The following CUL4A variants were observed in gnomAD, a reference collection of about 807,000 sequenced individuals.
The protein encoded by CUL4A is cullin-4A.
A neutral mutation model predicts 95.5 loss-of-function variants in CUL4A; 16 were observed. That is an observed-to-expected ratio of 0.17 (90% CI 0.11 to 0.25). The LOEUF is 0.25. Among genes scored for constraint, CUL4A ranks in the 10% least tolerant of loss-of-function variants. The pLI, the probability that CUL4A is intolerant of heterozygous loss-of-function variation, is 1.00. For missense variants in CUL4A, 610 were observed against 937.0 expected, an observed-to-expected ratio of 0.65 and a Z score of 4.56; for synonymous variants, 380 against 353.1, an observed-to-expected ratio of 1.08 and a Z score of -0.85.
At position 113,266,507 on chromosome 13, in the gene CUL4A, C is replaced by T. The variant is rs1173507856; in HGVS notation, c.*2925C>T. The T allele has an allele frequency of 3.3e-5, 5 of 152,302 alleles. No individual in the cohort carries two copies. The highest frequency in any genetic ancestry group is 5.9e-5 in the Non-Finnish European group (4 of 68,040). The allele number at this position is 152,302 out of a possible 1,614,324, so 9.4% of individuals were successfully genotyped here. A position where few individuals can be genotyped will look rare whatever the true frequency, so the allele number is the denominator to read the frequency against. On this transcript the variant is annotated 3_prime_UTR_variant, in exon 20 of 20. Coordinates refer to ENST00000375440, the MANE Select transcript of CUL4A (RefSeq NM_001008895.4). ...GTAAAACCTTCCTTTAAAACACAAG[C>T]GGATTCTAAAGTTAAAACAGAAAAG... is the stretch of plus-strand genomic sequence containing the variant.
At chr13:113,228,168 C>A in intron 4 of CUL4A, 123 bp downstream of exon 4, 1 of 737,842 alleles carries the variant, frequency 1.4e-6, no homozygotes, top group Non-Finnish European at 2.3e-6. Flanking sequence ...TGTGGTTGAA[C>A]AGCACGATGA....
chr13:113,208,603 T>C (rs1311250768), upstream of CUL4A: 3 of 1,608,034 alleles, frequency 1.9e-6, no homozygotes, highest in Non-Finnish European at 2.5e-6. Context: ...ACCCACCTGC[T>C]GCAGGTACTG....
At chr13:113,223,485 A>C (rs2040980085) in intron 3 of CUL4A, among the ~76,000 whole-genome samples, 1 of 151,960 alleles carries the variant, frequency 6.6e-6, no homozygotes, top group African/African-American at 2.4e-5. Context: ...AACAACCTCC[A>C]CTCCTGGGTT....
rs151077737 is a variant in CUL4A at position 113,265,326 on chromosome 13, A to G, written c.*1744A>G. The G allele has an allele frequency of 5.4e-4, 83 of 152,350 alleles. No homozygotes were observed. Among genetic ancestry groups the G allele is most frequent in the African/African-American group, 2.0e-3 (82 of 41,562 alleles). The allele number at this position is 152,350 out of a possible 1,614,324, so 9.4% of individuals were successfully genotyped here. A position where few individuals can be genotyped will look rare whatever the true frequency, so the allele number is the denominator to read the frequency against. The stretch of plus-strand genomic sequence containing the variant: ...AGCTATGGGAGGGCAAGGTGGGAGG[A>G]TCGTTTGAGCCTGAGTTCCAGACCA... On this transcript the variant is annotated 3_prime_UTR_variant, in exon 20 of 20. Transcript: ENST00000375440.
chr13:113,235,155 G>A lies in CUL4A; in HGVS notation c.848+10G>A, dbSNP rs769555289. On this transcript the variant is annotated intron_variant, in intron 8 of 19. Transcript: ENST00000375440. ...TGGACCACAGCACACAGTAAGTACC[G>A]TTTGCTCGCTGAGCGTTCGTATCTT... The A allele has an allele frequency of 4.9e-5, 78 of 1,593,030 alleles. No homozygotes were observed. Among genetic ancestry groups the A allele is most frequent in the Non-Finnish European group, 6.3e-5 (73 of 1,162,728 alleles).
In CUL4A at chr13:113,233,241, A is replaced by G. The variant is rs1165012085; in HGVS notation, c.577A>G (p.Ile193Val). 1.9e-6 allele frequency: 3 copies of G among 1,614,152 alleles called. No homozygotes were observed. The highest frequency in any genetic ancestry group is 2.5e-6 in the Non-Finnish European group (3 of 1,180,016). The change falls in exon 6 of 20, where the codon ATT (isoleucine) becomes GTT (valine). Residue 193 changes from isoleucine to valine, a missense_variant. By Grantham distance (29) the Ile-to-Val change is conservative. Coordinates refer to ENST00000375440, the MANE Select transcript of CUL4A (RefSeq NM_001008895.4). ...ISDKMVQSKTIDGILLLIERE... is the reference protein window; with the variant it reads ...ISDKMVQSKTVDGILLLIERE... ...TGATAAAATGGTTCAGAGTAAAACC[A>G]TTGATGGAATCCTACTGCTGATCGA...
At position 113,239,499 on chromosome 13, in the gene CUL4A, G is replaced by T. The variant is rs1244851236; in HGVS notation, c.983G>T (p.Arg328Leu). 2 of 1,613,810 alleles carry T rather than the reference G, an allele frequency of 1.2e-6. No homozygotes were observed. Among genetic ancestry groups the T allele is most frequent in the East Asian group, 4.5e-5 (2 of 44,870 alleles). The change falls in exon 10 of 20, where the codon CGG (arginine) becomes CTG (leucine). Residue 328 changes from arginine (R) to leucine (L), a missense_variant. Arg to Leu is a moderately radical substitution (Grantham distance 102, BLOSUM62 -2). Transcript: ENST00000375440. Reference protein sequence around the residue: ...DLAQMYQLFSRVRGGQQALLQ... With the variant: ...DLAQMYQLFSLVRGGQQALLQ... ...GCACAGATGTACCAGCTGTTCAGCC[G>T]GGTGAGGGGCGGGCAGCAGGCGCTG...
At chr13:113,210,174 G>A (rs970214412) in intron 2 of CUL4A, 86 bp downstream of exon 2, 24 of 885,826 alleles carry the variant, frequency 2.7e-5, no homozygotes, top group Middle Eastern at 3.5e-4. Context: ...TGCCTCGCAG[G>A]CTCTCGCCGG....
At chr13:113,226,297 TAGAGA>T (rs1440423019) in intron 3 of CUL4A, among the ~76,000 whole-genome samples, 1 of 152,204 alleles carries the variant, frequency 6.6e-6, no homozygotes, top group Non-Finnish European at 1.5e-5. Context: ...GAAACAGACC[TAGAGA>T]AGTCCCTTGG....
intron 16 of CUL4A, 50 bp from the exon 17 acceptor site, chr13:113,254,643 A>G (rs749847379): frequency 8.0e-7 from 1 of 1,253,570 alleles, no homozygotes; most frequent in Admixed American, 2.5e-5. Context: ...TAATTTTTCA[A>G]AGATTGTACA....
At chr13:113,221,243 A>G (rs939468648) in intron 3 of CUL4A, among the ~76,000 whole-genome samples, 1 of 152,240 alleles carries the variant, frequency 6.6e-6, no homozygotes, top group African/African-American at 2.4e-5. Flanking sequence ...GGATACTACC[A>G]AGGAGTCAGA....
intron 9 of CUL4A, among the ~76,000 whole-genome samples, chr13:113,239,230 A>G (rs1027138795): frequency 2.6e-5 from 4 of 152,188 alleles, no homozygotes; most frequent in Non-Finnish European, 5.9e-5. Flanking sequence ...CTTCCAACAT[A>G]CTCAGAGAAA....
intron 2 of CUL4A, among the ~76,000 whole-genome samples, chr13:113,215,507 T>C (rs939183132): frequency 6.7e-6 from 1 of 148,554 alleles, no homozygotes; most frequent in African/African-American, 2.5e-5. Flanking sequence ...TGTGTGACTA[T>C]GGAGGTCTCG....
chr13:113,214,869 G>A (rs1007580170), intron 2 of CUL4A, among the ~76,000 whole-genome samples: 5 of 152,182 alleles, frequency 3.3e-5, no homozygotes, highest in Admixed American at 1.3e-4. Context: ...TGTGAAGGTC[G>A]CTATATGACT....
chr13:113,230,460 C>G (rs2041270992), intron 5 of CUL4A, among the ~76,000 whole-genome samples: 1 of 152,218 alleles, frequency 6.6e-6, no homozygotes, highest in Non-Finnish European at 1.5e-5. Flanking sequence ...GCCCTTCTAA[C>G]TTCCTCATGG....
chr13:113,224,466 C>G (rs752324433), intron 3 of CUL4A, among the ~76,000 whole-genome samples: 3 of 152,232 alleles, frequency 2.0e-5, no homozygotes, highest in African/African-American at 2.4e-5. Flanking sequence ...CAGCTCTGGT[C>G]AGCCACAGAA....
intron 2 of CUL4A, among the ~76,000 whole-genome samples, chr13:113,212,317 G>A (rs940392989): frequency 2.0e-5 from 3 of 152,210 alleles, no homozygotes; most frequent in East Asian, 1.9e-4. Flanking sequence ...CAAGTCACAT[G>A]TATCAGTTTG....
At position 113,235,160 on chromosome 13, in the gene CUL4A, C is replaced by T. The variant is rs2287250; in HGVS notation, c.848+15C>T. 1,157,338 of 1,583,536 alleles carry T rather than the reference C, an allele frequency of 0.73. 429,413 individuals are homozygous for T. Among genetic ancestry groups the T allele is most frequent in the Middle Eastern group, 0.8 (4,765 of 5,982 alleles). On this transcript the variant is annotated intron_variant, in intron 8 of 19. Transcript: ENST00000375440. The stretch of plus-strand genomic sequence containing the variant: ...CACAGCACACAGTAAGTACCGTTTG[C>T]TCGCTGAGCGTTCGTATCTTCACCA...
intron 7 of CUL4A, among the ~76,000 whole-genome samples, chr13:113,234,647 G>A (rs1006518083): frequency 9.2e-5 from 14 of 152,198 alleles, no homozygotes; most frequent in African/African-American, 3.1e-4. Flanking sequence ...GTGTTGTTTG[G>A]TGTCCCCCAA....
Sources: gnomAD v4.1 joint callset for allele counts (sites outside exome capture counted in the v4.1 genomes callset) on GRCh38, gnomAD v4.1.1 for gene constraint, MANE v1.5 for transcripts, NCBI Gene and HGNC (gene_info 2026-07-23, HGNC 2026-07-21) for gene names.